Variants in NHERF4 observed in about 807,000 individuals in gnomAD.
NHERF4 encodes the protein NHERF family PDZ scaffold protein 4.
At chr11:119,186,717 C>G in the NHERF4 span, 1 of 1,565,304 alleles carries the variant, frequency 6.4e-7, no homozygotes. This position sits in a 1 kb window ranked among gnomAD's most constrained non-coding sequence, Gnocchi z 4.4. Flanking sequence ...GGAGAGCATG[C>G]TAGCACCTCA....
At chr11:119,188,900 C>A in the NHERF4 span, 1 of 1,610,560 alleles carries the variant, frequency 6.2e-7, no homozygotes, top group Non-Finnish European at 8.5e-7. Flanking sequence ...TGAATCCCTT[C>A]GATCCTTTGC....
chr11:119,186,302 G>T, the NHERF4 span: 3 of 1,592,124 alleles, frequency 1.9e-6, no homozygotes, highest in Admixed American at 3.5e-5. This position sits in a 1 kb window ranked among gnomAD's most constrained non-coding sequence, Gnocchi z 4.4. Flanking sequence ...GATAGGAGGG[G>T]CCGGGTGTTT....
the NHERF4 span, chr11:119,189,293 G>A: frequency 2.0e-6 from 3 of 1,501,722 alleles, no homozygotes; most frequent in South Asian, 1.2e-5. This position sits in a 1 kb window ranked among gnomAD's most constrained non-coding sequence, Gnocchi z 5.8. Flanking sequence ...GAGGTACAAG[G>A]TGAAGCCGTG....
the NHERF4 span, chr11:119,185,996 G>A: frequency 1.9e-6 from 3 of 1,613,984 alleles, no homozygotes; most frequent in Admixed American, 1.7e-5. Flanking sequence ...AATAATTGGA[G>A]GCAGCGAAGC....
At chr11:119,189,431 G>GGAAT in the NHERF4 span, 1 of 1,613,364 alleles carries the variant, frequency 6.2e-7, no homozygotes, top group Admixed American at 1.7e-5. The surrounding 1 kb of genome is among the most constrained non-coding windows in gnomAD (Gnocchi z 5.8). Flanking sequence ...GGTCCCACCT[G>GGAAT]GAATGACCTT....
chr11:119,186,486 G>A, the NHERF4 span: 1 of 1,614,092 alleles, frequency 6.2e-7, no homozygotes. The surrounding 1 kb of genome is among the most constrained non-coding windows in gnomAD (Gnocchi z 4.4). Context: ...CAGATCCCTG[G>A]AGCCTGGAGC....
the NHERF4 span, chr11:119,187,618 C>T: frequency 8.2e-6 from 13 of 1,580,070 alleles, no homozygotes; most frequent in South Asian, 1.3e-4. Context: ...GCTGAGCGGG[C>T]AGGGGTGCCC....
At chr11:119,185,944 G>A in the NHERF4 span, 33 of 1,613,978 alleles carry the variant, frequency 2.0e-5, no homozygotes, top group Admixed American at 3.3e-5. Context: ...ACACAGCCTC[G>A]TTAACTCTGT....
chr11:119,186,712 G>A, the NHERF4 span: 1 of 1,576,256 alleles, frequency 6.3e-7, no homozygotes, highest in Non-Finnish European at 8.6e-7. The surrounding 1 kb of genome is among the most constrained non-coding windows in gnomAD (Gnocchi z 4.4). Context: ...GTCCAGGAGA[G>A]CATGCTAGCA....
the NHERF4 span, chr11:119,190,073 T>C: frequency 3.8e-6 from 2 of 520,000 alleles, no homozygotes; most frequent in Non-Finnish European, 6.6e-6. The surrounding 1 kb of genome is among the most constrained non-coding windows in gnomAD (Gnocchi z 4.2). Flanking sequence ...TGGTCAAATT[T>C]ATTTCCTATC....
the NHERF4 span, chr11:119,188,965 C>G: frequency 6.2e-7 from 1 of 1,612,732 alleles, no homozygotes; most frequent in South Asian, 1.1e-5. Context: ...AGCAAACTTT[C>G]CCCCGGTGTC....
At chr11:119,186,372 A>G in the NHERF4 span, 7 of 1,558,314 alleles carry the variant, frequency 4.5e-6, no homozygotes, top group Non-Finnish European at 6.2e-6. This position sits in a 1 kb window ranked among gnomAD's most constrained non-coding sequence, Gnocchi z 4.4. Context: ...CCAGGCAGAA[A>G]CTGCCCAGCA....
At chr11:119,186,265 C>G in the NHERF4 span, 6 of 1,612,652 alleles carry the variant, frequency 3.7e-6, no homozygotes, top group African/African-American at 1.3e-5. This position sits in a 1 kb window ranked among gnomAD's most constrained non-coding sequence, Gnocchi z 4.4. Flanking sequence ...CGGTCTCCCT[C>G]TGATAACAGC....
the NHERF4 span, among the ~76,000 whole-genome samples, chr11:119,187,063 A>G: frequency 1.9e-4 from 28 of 150,258 alleles, no homozygotes; most frequent in African/African-American, 5.9e-4. Flanking sequence ...TCACTTGAAC[A>G]TGGGAGGCGG....
chr11:119,188,579 T>C, the NHERF4 span: 1 of 1,605,494 alleles, frequency 6.2e-7, no homozygotes, highest in Non-Finnish European at 8.5e-7. Context: ...GGGGCTAGGG[T>C]TGGGGCAGGA....
At chr11:119,189,367 C>A in the NHERF4 span, 2 of 1,535,046 alleles carry the variant, frequency 1.3e-6, no homozygotes, top group South Asian at 1.1e-5. This position sits in a 1 kb window ranked among gnomAD's most constrained non-coding sequence, Gnocchi z 5.8. Context: ...GTGAAATAAA[C>A]CCCATTTCTG....
At chr11:119,188,550 T>C in the NHERF4 span, 1 of 1,599,006 alleles carries the variant, frequency 6.3e-7, no homozygotes, top group Non-Finnish European at 8.5e-7. Context: ...TTCTTCAGCA[T>C]GGTGCGTGCT....
the NHERF4 span, chr11:119,188,101 T>G: frequency 6.5e-7 from 1 of 1,549,726 alleles, no homozygotes; most frequent in East Asian, 2.4e-5. Flanking sequence ...CCCAGGGTTT[T>G]GGGTTCCTGC....
the NHERF4 span, chr11:119,187,698 A>G: frequency 2.0e-6 from 3 of 1,504,948 alleles, no homozygotes; most frequent in Non-Finnish European, 1.8e-6. Flanking sequence ...ACTCACCAGG[A>G]AGGTGTGACT....
Sources: gnomAD v4.1 joint callset for allele counts (sites outside exome capture counted in the v4.1 genomes callset) on GRCh38, gnomAD v4.1.1 for gene constraint, Gnocchi (gnomAD v3.1) non-coding constraint, MANE v1.5 for transcripts, NCBI Gene and HGNC (gene_info 2026-07-23, HGNC 2026-07-21) for gene names.